Variants in TRIOBP observed in about 807,000 individuals in gnomAD.
The protein encoded by TRIOBP is TRIO and F-actin binding protein.
A neutral mutation model predicts 238.8 loss-of-function variants in TRIOBP; 169 were observed. The ratio of observed to expected loss-of-function variants is 0.71; its 90% confidence interval spans 0.62 to 0.80. The LOEUF is 0.80. Ranked by LOEUF, TRIOBP falls within the 30% of genes least tolerant of loss-of-function variation. The pLI, the probability that TRIOBP is intolerant of heterozygous loss-of-function variation, is 0.00. For missense variants in TRIOBP, 2,838 were observed against 3,122.6 expected, an observed-to-expected ratio of 0.91 and a Z score of 2.17; for synonymous variants, 1,150 against 1,274.4, an observed-to-expected ratio of 0.90 and a Z score of 2.08.
chr22:37,769,206 TG>T lies in TRIOBP; in HGVS notation c.6735+25del. 1 of 1,593,440 alleles carries T rather than the reference TG, an allele frequency of 6.3e-7. No homozygotes were observed. Among genetic ancestry groups the T allele is most frequent in the Non-Finnish European group, 8.5e-7 (1 of 1,169,746 alleles). On this transcript the variant is annotated intron_variant, in intron 20 of 23. Coordinates refer to ENST00000644935, the MANE Select transcript of TRIOBP (RefSeq NM_001039141.3). ...CAACCAGGTGGGCCTGGCCCCAGGT[TG>T]GGGGGACACGGGTGGGTCCCGGCAC...
chr22:37,771,544 C>A, intron 21 of TRIOBP, 106 bp from the exon 22 acceptor site: 1 of 970,520 alleles, frequency 1.0e-6, no homozygotes, highest in Non-Finnish European at 1.7e-6. Context: ...CAGATAGGGG[C>A]TGCATTCTAG....
At chr22:37,733,475 C>A in intron 8 of TRIOBP, 63 bp downstream of exon 8, 3 of 1,291,974 alleles carry the variant, frequency 2.3e-6, no homozygotes, top group East Asian at 2.5e-5. Context: ...TCTTCCCTCC[C>A]GCTAGAAGCC....
intron 4 of TRIOBP, among the ~76,000 whole-genome samples, chr22:37,711,938 A>T (rs1051816446): frequency 3.9e-5 from 6 of 152,124 alleles, no homozygotes; most frequent in African/African-American, 1.4e-4. Context: ...CTCCCTCAGC[A>T]TCTGGGCTAG....
intron 14 of TRIOBP, 82 bp downstream of exon 14, chr22:37,755,272 C>T: frequency 7.2e-7 from 1 of 1,392,164 alleles, no homozygotes. Context: ...TTGAACATGG[C>T]TCACCATGGA....
At chr22:37,716,466 G>A (rs1923525606) in intron 6 of TRIOBP, among the ~76,000 whole-genome samples, 1 of 152,022 alleles carries the variant, frequency 6.6e-6, no homozygotes, top group Non-Finnish European at 1.5e-5. Flanking sequence ...GTCTCACACT[G>A]TTGCCCAGAC....
At chr22:37,771,590 C>T (rs1926774386) in intron 21 of TRIOBP, 60 bp from the exon 22 acceptor site, 2 of 1,521,714 alleles carry the variant, frequency 1.3e-6, no homozygotes, top group Non-Finnish European at 1.8e-6. Flanking sequence ...CTGCAGGGCA[C>T]TATGGGCCAG....
At chr22:37,713,162 G>A (rs780590371) in intron 4 of TRIOBP, 48 bp from the exon 5 acceptor site, 2 of 1,536,632 alleles carry the variant, frequency 1.3e-6, no homozygotes, top group South Asian at 2.3e-5. Context: ...GTGGGGTGGG[G>A]GATGCTCCTA....
chr22:37,735,156 G>A lies in TRIOBP; in HGVS notation c.4820G>A (p.Arg1607Lys), dbSNP rs953150002. 76 of 1,610,030 alleles carry A rather than the reference G, an allele frequency of 4.7e-5. No homozygotes were observed. The highest frequency in any genetic ancestry group is 5.9e-5 in the Non-Finnish European group (69 of 1,177,564). Residue 1607 changes from arginine to lysine, a missense_variant, in exon 9 of 24, where the codon AGG (arginine) becomes AAG (lysine). By Grantham distance (26) the Arg-to-Lys change is conservative (BLOSUM62 2). This residue lies in a region of TRIOBP where 2,096 missense variants were observed against 2,137.4 expected (regional missense o/e 0.98). Transcript: ENST00000644935. ...GCTGGACACAGGGATGACCTGGCCAGGGCTTTAGGGCCAGAGCTGGGTCCC... is the reference window on the plus strand; with the variant it reads ...GCTGGACACAGGGATGACCTGGCCAAGGCTTTAGGGCCAGAGCTGGGTCCC... ...DPAGHRDDLA[R>K]ALGPELGPPG...
intron 11 of TRIOBP, among the ~76,000 whole-genome samples, chr22:37,742,872 G>A (rs948595550): frequency 7.9e-5 from 12 of 152,160 alleles, no homozygotes; most frequent in Non-Finnish European, 1.8e-4. Context: ...ACACTCCCAG[G>A]TGCAGTTAGA....
intron 18 of TRIOBP, 90 bp from the exon 19 acceptor site, chr22:37,767,984 C>T (rs1235401178): frequency 7.2e-6 from 7 of 967,366 alleles, no homozygotes; most frequent in Non-Finnish European, 9.8e-6. Context: ...CATAGTACTC[C>T]ACCAGTACAT....
chr22:37,701,816 TAAG>T (rs756468793), intron 3 of TRIOBP, among the ~76,000 whole-genome samples: 4 of 152,212 alleles, frequency 2.6e-5, no homozygotes, highest in East Asian at 1.9e-4. Context: ...TACTTCCTGT[TAAG>T]AAGAAGAGGT....
chr22:37,736,452 G>A (rs1569047421), intron 9 of TRIOBP, among the ~76,000 whole-genome samples: 4 of 152,078 alleles, frequency 2.6e-5, no homozygotes, highest in South Asian at 4.1e-4. Flanking sequence ...GGTGCACCCC[G>A]TGCTGGGCCC....
chr22:37,730,445 G>A (rs939556332), intron 7 of TRIOBP, among the ~76,000 whole-genome samples: 3 of 152,162 alleles, frequency 2.0e-5, no homozygotes, highest in Admixed American at 6.5e-5. Context: ...GCATCCATCC[G>A]GAAGAGAACA....
At position 37,758,086 on chromosome 22, in the gene TRIOBP, G is replaced by A. The variant is rs765284417; in HGVS notation, c.6161G>A (p.Arg2054His). 3.0e-5 allele frequency: 49 copies of A among 1,611,108 alleles called. No homozygotes were observed. The highest frequency in any genetic ancestry group is 4.3e-4 in the Middle Eastern group (2 of 4,700). The change falls in exon 16 of 24, where the codon CGC becomes CAC. Residue 2054 changes from arginine (R) to histidine (H), a missense_variant. By Grantham distance (29) the Arg-to-His change is conservative. This residue lies in a region of TRIOBP where 2,096 missense variants were observed against 2,137.4 expected (regional missense o/e 0.98). Transcript: ENST00000644935. ...VPLTALLNQS[R>H]GERRGPPSDG... ...CTCACTGCCCTGCTCAACCAAAGCC[G>A]CGGAGAGCGCCGAGGGCCCCCAAGT...
intron 11 of TRIOBP, among the ~76,000 whole-genome samples, chr22:37,746,794 G>A (rs1925303289): frequency 1.3e-5 from 2 of 152,250 alleles, no homozygotes; most frequent in Non-Finnish European, 2.9e-5. Context: ...GCGGCCAGGG[G>A]CCCCAGGGAG....
At position 37,765,827 on chromosome 22, in the gene TRIOBP, C is replaced by T. The variant is rs369182277; in HGVS notation, c.6472+10C>T. ...GCAGCCACGGCCTCAGGTATGGACC[C>T]TGGGGGGGGCACAGTGGGCTGGGCT... On this transcript the variant is annotated intron_variant, in intron 18 of 23. Coordinates refer to ENST00000644935, the MANE Select transcript of TRIOBP (RefSeq NM_001039141.3). The T allele has an allele frequency of 5.3e-4, 799 of 1,509,196 alleles. 1 individual carries two copies. In the African/African-American group the frequency reaches 0.016, roughly 30 times the overall value. The allele number at this position is 1,509,196 out of a possible 1,614,324, so 93.5% of individuals were successfully genotyped here. A position where few individuals can be genotyped will look rare whatever the true frequency, so the allele number is the denominator to read the frequency against.
At chr22:37,742,675 A>G (rs1924994942) in intron 11 of TRIOBP, among the ~76,000 whole-genome samples, 1 of 152,172 alleles carries the variant, frequency 6.6e-6, no homozygotes, top group South Asian at 2.1e-4. Context: ...ACCTTGTCTA[A>G]CTAAAGGTCA....
rs1269306804 is a variant in TRIOBP, at chr22:37,725,218, C to A, written c.2662C>A (p.Gln888Lys). The A allele has an allele frequency of 3.7e-6, 6 of 1,614,000 alleles. No homozygotes were observed. The highest frequency in any genetic ancestry group is 4.2e-6 in the Non-Finnish European group (5 of 1,180,016). The change falls in exon 7 of 24, where the codon CAA (glutamine) becomes AAA (lysine). Residue 888 changes from glutamine to lysine, a missense_variant. Physicochemically the swap from Gln to Lys is moderately conservative, Grantham distance 53 (BLOSUM62 1). This residue lies in a region of TRIOBP where 2,096 missense variants were observed against 2,137.4 expected (regional missense o/e 0.98). Coordinates refer to ENST00000644935, the MANE Select transcript of TRIOBP (RefSeq NM_001039141.3). ...LRPSSPHRSTQWNNPRNSSPH... is the reference protein window; with the variant it reads ...LRPSSPHRSTKWNNPRNSSPH... ...ACCATCATCTCCCCACCGCTCCACT[C>A]AATGGAACAATCCCAGGAATTCATC...
At position 37,705,670 on chromosome 22, in the gene TRIOBP, G is replaced by A. The variant is rs145949697; in HGVS notation, c.114+4191G>A. Among the ~76,000 whole-genome samples the A allele has an allele frequency of 5.7e-3, 865 of 151,704 alleles. 5 individuals are homozygous for A. Among genetic ancestry groups the A allele is most frequent in the African/African-American group, 0.019 (769 of 41,338 alleles). ...GGCTCACTGCAACCTCTGCCTCCCA[G>A]GTTCAAGCGATTCTCCTGCCTCAGC... On this transcript the variant is annotated intron_variant, in intron 3 of 23. Transcript: ENST00000644935.
Sources: allele counts gnomAD v4.1 joint callset (sites outside exome capture counted in the v4.1 genomes callset), GRCh38; gene constraint gnomAD v4.1.1; regional missense constraint gnomAD v4.1.1; transcripts MANE v1.5; gene names NCBI Gene and HGNC (gene_info 2026-07-23, HGNC 2026-07-21).